The following ZNF277 variants were observed in gnomAD, a reference collection of about 807,000 sequenced individuals.
The protein encoded by ZNF277 is zinc finger protein 277.
In ZNF277, 55 loss-of-function variants were observed where a neutral mutation model predicts 60.7. The ratio of observed to expected loss-of-function variants is 0.91; its 90% CI spans 0.73 to 1.13. The LOEUF (loss-of-function observed/expected upper bound fraction) is 1.13, where lower values mean the gene tolerates loss of function less well. ZNF277 is among the 50% of genes most tolerant of loss of function. ZNF277 has a pLI of 0.00. For missense variants in ZNF277, 510 were observed against 523.0 expected, an observed-to-expected ratio of 0.98 and a Z score of 0.24; for synonymous variants, 178 against 179.3, an observed-to-expected ratio of 0.99 and a Z score of 0.06.
chr7:112,220,429 G>A (rs1821995744), intron 1 of ZNF277, among the ~76,000 whole-genome samples: 1 of 151,970 alleles, frequency 6.6e-6, no homozygotes. Flanking sequence ...CAGTTTTTTG[G>A]TAGAGTCTTT....
Position 112,310,478 on chromosome 7 carries a change from A to AGAGAGAGAGAGAGAGAGAGAGAGAGTGT in ZNF277, c.466-7703_466-7702insAGAGAGAGAGAGAGAGAGAGAGAGTGTG, listed in dbSNP as rs762824873. Among the ~76,000 whole-genome samples the AGAGAGAGAGAGAGAGAGAGAGAGAGTGT allele has an allele frequency of 8.1e-4, 102 of 125,560 alleles. 3 individuals are homozygous for AGAGAGAGAGAGAGAGAGAGAGAGAGTGT. Among genetic ancestry groups the AGAGAGAGAGAGAGAGAGAGAGAGAGTGT allele is most frequent in the African/African-American group, 3.5e-3 (90 of 25,792 alleles). The allele number at this position is 125,560 out of a possible 152,430, so 82.4% of individuals were successfully genotyped here. A position where few individuals can be genotyped will look rare whatever the true frequency, so the allele number is the denominator to read the frequency against. ...TTGAGAGAGAGAGAGAGAGAGAGAG[A>AGAGAGAGAGAGAGAGAGAGAGAGAGTGT]GTGTGTGTGTGTGTATGTATTTTAT... On this transcript the variant is annotated intron_variant, in intron 4 of 11. Coordinates refer to ENST00000361822, the MANE Select transcript of ZNF277 (RefSeq NM_021994.3).
intron 7 of ZNF277, among the ~76,000 whole-genome samples, chr7:112,331,107 A>C (rs1174641184): frequency 6.6e-6 from 1 of 152,168 alleles, no homozygotes; most frequent in Admixed American, 6.5e-5. Context: ...TTTGGCTTGT[A>C]GGGTAGACTA....
intron 4 of ZNF277, among the ~76,000 whole-genome samples, chr7:112,299,206 G>A (rs898879225): frequency 6.6e-6 from 1 of 152,180 alleles, no homozygotes; most frequent in African/African-American, 2.4e-5. Flanking sequence ...TGATTCTTCT[G>A]TGGGCGTTAG....
intron 1 of ZNF277, among the ~76,000 whole-genome samples, chr7:112,221,264 A>T (rs1384703899): frequency 1.3e-5 from 2 of 152,114 alleles, no homozygotes; most frequent in African/African-American, 4.8e-5. Flanking sequence ...ACGGCTTCTA[A>T]TAGAGCTGTA....
chr7:112,302,601 T>C lies in ZNF277; in HGVS notation c.465+6290T>C, dbSNP rs141309416. 1.2e-3 allele frequency among the ~76,000 whole-genome samples: 176 copies of C among 152,254 alleles called. 2 individuals carry two copies. The highest frequency in any genetic ancestry group is 4.0e-3 in the African/African-American group (168 of 41,562). On this transcript the variant is annotated intron_variant, in intron 4 of 11. Transcript: ENST00000361822. The stretch of plus-strand genomic sequence containing the variant: ...CCATTGAGTAAGTTTAACCTTCAGA[T>C]TGATGACTGCTTTCTTTGGGAAACA...
chr7:112,263,350 A>C (rs79755372), intron 1 of ZNF277, among the ~76,000 whole-genome samples: 7,424 of 152,270 alleles, frequency 0.049, 274 homozygotes, highest in Non-Finnish European at 0.075. Context: ...GTGGTAATGG[A>C]ATTGAGTTCT....
chr7:112,225,674 A>C (rs73195211), intron 1 of ZNF277, among the ~76,000 whole-genome samples: 8,493 of 152,304 alleles, frequency 0.056, 344 homozygotes, highest in South Asian at 0.13. Flanking sequence ...TGAATTAAAA[A>C]TTAAAGACAA....
At chr7:112,235,601 G>C (rs1822467142) in intron 1 of ZNF277, among the ~76,000 whole-genome samples, 1 of 151,736 alleles carries the variant, frequency 6.6e-6, no homozygotes, top group Non-Finnish European at 1.5e-5. Flanking sequence ...TTTTTGAATT[G>C]GGTTATTTAT....
At chr7:112,303,645 A>G (rs1181928252) in intron 4 of ZNF277, among the ~76,000 whole-genome samples, 1 of 151,986 alleles carries the variant, frequency 6.6e-6, no homozygotes, top group African/African-American at 2.4e-5. Flanking sequence ...ATTCTCTTGT[A>G]CCTTTAATAT....
intron 4 of ZNF277, among the ~76,000 whole-genome samples, chr7:112,299,870 G>T (rs1219821997): frequency 6.6e-6 from 1 of 152,120 alleles, no homozygotes; most frequent in African/African-American, 2.4e-5. Flanking sequence ...TTGCATTAAC[G>T]ATGATTTGCA....
intron 2 of ZNF277, among the ~76,000 whole-genome samples, 180 bp from the exon 3 acceptor site, chr7:112,295,689 T>C (rs1792308005): frequency 6.6e-6 from 1 of 152,164 alleles, no homozygotes; most frequent in African/African-American, 2.4e-5. Flanking sequence ...AAATCTTTAT[T>C]TGATACTTCT....
At chr7:112,287,188 T>C in intron 2 of ZNF277, 114 bp downstream of exon 2, 2 of 1,015,666 alleles carry the variant, frequency 2.0e-6, no homozygotes, top group African/African-American at 1.6e-5. Flanking sequence ...AGGCCAGTAG[T>C]AGTTCAAGAT....
At chr7:112,277,077 A>ATTT (rs59902516) in intron 1 of ZNF277, among the ~76,000 whole-genome samples, 2,365 of 104,392 alleles carry the variant, frequency 0.023, 262 homozygotes, top group African/African-American at 0.086. Flanking sequence ...GAATCTGTTG[A>ATTT]TTTTTTTTTT....
intron 4 of ZNF277, among the ~76,000 whole-genome samples, chr7:112,308,046 C>G (rs1265533664): frequency 3.3e-5 from 5 of 151,850 alleles, no homozygotes; most frequent in Non-Finnish European, 7.4e-5. Context: ...ATTATTGTAT[C>G]AATAAATTGC....
At chr7:112,312,144 T>C (rs1282181272) in intron 4 of ZNF277, among the ~76,000 whole-genome samples, 1 of 152,120 alleles carries the variant, frequency 6.6e-6, no homozygotes, top group Non-Finnish European at 1.5e-5. Flanking sequence ...TTTGAGTTGA[T>C]TACATAGAGA....
At chr7:112,210,078 A>G (rs1442503818) in intron 1 of ZNF277, among the ~76,000 whole-genome samples, 1 of 152,202 alleles carries the variant, frequency 6.6e-6, no homozygotes, top group Non-Finnish European at 1.5e-5. Context: ...GCAAACCAAT[A>G]TGGCACATGT....
At chr7:112,224,066 G>T (rs1587089479) in intron 1 of ZNF277, among the ~76,000 whole-genome samples, 1 of 152,192 alleles carries the variant, frequency 6.6e-6, no homozygotes, top group Non-Finnish European at 1.5e-5. Flanking sequence ...ATGCCATAGA[G>T]ATTAGACAGG....
At chr7:112,334,442 A>C (rs1483077241) in intron 7 of ZNF277, among the ~76,000 whole-genome samples, 1 of 146,330 alleles carries the variant, frequency 6.8e-6, no homozygotes, top group East Asian at 2.0e-4. Flanking sequence ...TTTCTATAAT[A>C]AATCATATCT....
intron 1 of ZNF277, among the ~76,000 whole-genome samples, chr7:112,273,732 G>A (rs1046879899): frequency 2.0e-5 from 3 of 152,016 alleles, no homozygotes; most frequent in South Asian, 2.1e-4. Context: ...CTCCAACCTC[G>A]GCAACAGAGC....
Sources: allele counts gnomAD v4.1 joint callset (sites outside exome capture counted in the v4.1 genomes callset), GRCh38; gene constraint gnomAD v4.1.1; transcripts MANE v1.5; gene names NCBI Gene and HGNC (gene_info 2026-07-23, HGNC 2026-07-21).